The following CDH13 variants were observed in gnomAD, a reference collection of about 807,000 sequenced individuals.
CDH13 encodes the protein cadherin-13.
CDH13 carries 24 observed loss-of-function variants against 63.8 expected under a neutral mutation model. That is an observed-to-expected ratio of 0.38 (90% CI 0.27 to 0.53). CDH13 has a LOEUF of 0.53. Ranked by LOEUF, CDH13 falls within the 20% of genes least tolerant of loss-of-function variation. The pLI is 0.85. For missense variants in CDH13, 1,049 were observed against 903.1 expected (o/e 1.16, Z -2.07); for synonymous variants, 503 against 355.3 (o/e 1.42, Z -4.67).
intron 1 of CDH13, among the ~76,000 whole-genome samples, chr16:82,846,704 GATA>G (rs2039272122): frequency 1.3e-5 from 2 of 152,246 alleles, no homozygotes; most frequent in South Asian, 4.1e-4. Flanking sequence ...TTTCCTTCTA[GATA>G]ATAAGTTTTT....
chr16:83,483,090 T>A (rs545100895), intron 6 of CDH13, among the ~76,000 whole-genome samples: 3 of 152,260 alleles, frequency 2.0e-5, no homozygotes, highest in South Asian at 4.1e-4. Context: ...AAACCGAGGC[T>A]CAGAGAGAGA....
chr16:83,176,371 G>C (rs890654104), intron 4 of CDH13, among the ~76,000 whole-genome samples: 1 of 151,640 alleles, frequency 6.6e-6, no homozygotes, highest in African/African-American at 2.4e-5. Context: ...TTAGCCTGGC[G>C]TGGTGGCAGG....
chr16:83,099,214 T>G (rs564180018), intron 3 of CDH13, among the ~76,000 whole-genome samples: 2 of 152,230 alleles, frequency 1.3e-5, no homozygotes, highest in South Asian at 4.1e-4. Context: ...TCATACAAAG[T>G]ATGTTTACAC....
chr16:83,085,153 G>A (rs1306096431), intron 3 of CDH13, among the ~76,000 whole-genome samples: 20 of 151,904 alleles, frequency 1.3e-4, no homozygotes, highest in Non-Finnish European at 5.9e-5. Flanking sequence ...GTTCCACATG[G>A]CTGGGGAGGC....
intron 1 of CDH13, chr16:82,719,320 G>T (rs748844866): frequency 2.2e-6 from 1 of 454,894 alleles, no homozygotes; most frequent in Non-Finnish European, 4.4e-6. Context: ...TGTTACTAAA[G>T]ACTTAAAGCT....
chr16:83,770,058 G>T (rs114015729), intron 11 of CDH13, among the ~76,000 whole-genome samples: 2 of 152,060 alleles, frequency 1.3e-5, no homozygotes, highest in Admixed American at 6.6e-5. Flanking sequence ...CAACCCTGTG[G>T]GGATGGTTTC....
intron 6 of CDH13, among the ~76,000 whole-genome samples, chr16:83,447,131 TG>T: frequency 7.2e-6 from 1 of 138,930 alleles, no homozygotes; most frequent in Non-Finnish European, 1.5e-5. Context: ...TTTTTTGGTT[TG>T]TGCTGGATGC....
In CDH13 at chr16:83,077,186, C is replaced by CTTTTTTTTTTTTTTTTTTTTTTT. The variant is rs34536219; in HGVS notation, c.366+44970_366+44992dup. On this transcript the variant is annotated intron_variant, in intron 3 of 13. Coordinates refer to ENST00000567109, the MANE Select transcript of CDH13 (RefSeq NM_001257.5). ...TCTTTTCTTTTCTTTTTTTTCTTTT[C>CTTTTTTTTTTTTTTTTTTTTTTT]TTTTTTTTTTTTTTTTTTTTTTTTG... Among the ~76,000 whole-genome samples, 51 of 59,172 alleles carry CTTTTTTTTTTTTTTTTTTTTTTT rather than the reference C, an allele frequency of 8.6e-4. 1 individual carries two copies. Among genetic ancestry groups the CTTTTTTTTTTTTTTTTTTTTTTT allele is most frequent in the Admixed American group, 1.9e-3 (7 of 3,684 alleles). 38.8% of individuals were successfully genotyped at this position (59,172 alleles called of 152,430 possible).
At chr16:83,113,864 A>T (rs1173790931) in intron 3 of CDH13, among the ~76,000 whole-genome samples, 1 of 152,222 alleles carries the variant, frequency 6.6e-6, no homozygotes, top group Non-Finnish European at 1.5e-5. Flanking sequence ...CAGAGTGGTC[A>T]TCGGGATCCA....
chr16:83,736,888 A>C (rs1428400941), intron 10 of CDH13, among the ~76,000 whole-genome samples: 4 of 152,206 alleles, frequency 2.6e-5, no homozygotes, highest in African/African-American at 7.2e-5. Flanking sequence ...CTAGGAGCAG[A>C]CTTGCTTGCC....
chr16:83,520,113 C>T (rs2074794860), intron 7 of CDH13, among the ~76,000 whole-genome samples: 1 of 151,992 alleles, frequency 6.6e-6, no homozygotes, highest in Non-Finnish European at 1.5e-5. Flanking sequence ...AGGAGTCTTG[C>T]AATGTTTTTC....
intron 10 of CDH13, among the ~76,000 whole-genome samples, chr16:83,727,027 A>G (rs1910488675): frequency 6.6e-6 from 1 of 152,186 alleles, no homozygotes; most frequent in South Asian, 2.1e-4. Context: ...TTTATGAGAT[A>G]TAATTCACAT....
chr16:83,766,784 G>A (rs1432908518), intron 11 of CDH13, among the ~76,000 whole-genome samples: 1 of 152,128 alleles, frequency 6.6e-6, no homozygotes, highest in African/African-American at 2.4e-5. Context: ...GTCAAGGGCA[G>A]GACCAGGTGG....
rs770971828 is a variant in CDH13, at chr16:82,627,186, C to G, written c.45+49C>G. Reference sequence around the variant, plus strand: ...GCGCTCTGCGCCCCGTTTCTGCATTCGGATCGCCCGGCACGGGCAGGGTGA... The same window carrying G: ...GCGCTCTGCGCCCCGTTTCTGCATTGGGATCGCCCGGCACGGGCAGGGTGA... On this transcript the variant is annotated intron_variant, in intron 1 of 13. Coordinates refer to ENST00000567109, the MANE Select transcript of CDH13 (RefSeq NM_001257.5). 18 of 1,517,106 alleles carry G rather than the reference C, an allele frequency of 1.2e-5. No homozygotes were observed. The East Asian group carries it at 4.0e-4, about 34-fold the overall frequency. The allele number at this position is 1,517,106 out of a possible 1,614,324, so 94.0% of individuals were successfully genotyped here.
chr16:82,877,899 A>G (rs964120142), intron 2 of CDH13, among the ~76,000 whole-genome samples: 2 of 148,424 alleles, frequency 1.3e-5, no homozygotes, highest in African/African-American at 5.0e-5. Flanking sequence ...GGAGAGAGGA[A>G]GGTGGAAATA....
intron 10 of CDH13, among the ~76,000 whole-genome samples, chr16:83,732,490 A>T (rs1030826633): frequency 1.3e-5 from 2 of 152,168 alleles, no homozygotes; most frequent in Non-Finnish European, 2.9e-5. Flanking sequence ...GACATGACGT[A>T]CATTTTTTAA....
At chr16:83,057,749 C>T (rs772753642) in intron 3 of CDH13, among the ~76,000 whole-genome samples, 5 of 152,060 alleles carry the variant, frequency 3.3e-5, no homozygotes, top group African/African-American at 4.8e-5. Flanking sequence ...AATTTTAAAC[C>T]GTCTAAGATA....
chr16:82,674,077 T>C (rs542932183), intron 1 of CDH13, among the ~76,000 whole-genome samples: 38 of 152,306 alleles, frequency 2.5e-4, no homozygotes, highest in African/African-American at 8.9e-4. Flanking sequence ...TTTCTTCCCA[T>C]TTAAGAACGT....
intron 7 of CDH13, among the ~76,000 whole-genome samples, chr16:83,523,905 T>C (rs550358633): frequency 1.3e-5 from 2 of 152,292 alleles, no homozygotes; most frequent in African/African-American, 4.8e-5. Flanking sequence ...GTGTCAGGAC[T>C]CTAGAATGAA....
Sources: gnomAD v4.1 joint callset for allele counts (sites outside exome capture counted in the v4.1 genomes callset) on GRCh38, gnomAD v4.1.1 for gene constraint, MANE v1.5 for transcripts, NCBI Gene and HGNC (gene_info 2026-07-23, HGNC 2026-07-21) for gene names.